Variants in RAB38 observed in about 807,000 individuals in gnomAD.
RAB38 encodes the protein ras-related protein Rab-38.
A neutral mutation model predicts 18.4 loss-of-function variants in RAB38; 15 were observed. The ratio of observed to expected loss-of-function variants is 0.82; its 90% CI spans 0.55 to 1.26. The LOEUF is 1.26. Among genes scored for constraint, RAB38 ranks in the 50% most tolerant of loss-of-function variants. The probability of loss-of-function intolerance (pLI) is 0.00; values close to 1 mark genes in which losing one functional copy is unlikely to be tolerated. For synonymous variants in RAB38, 101 were observed against 104.4 expected, an observed-to-expected ratio of 0.97 and a Z score of 0.20; for missense variants, 294 against 267.4, an observed-to-expected ratio of 1.10 and a Z score of -0.69.
At chr11:88,145,189 G>A (rs369111983) in intron 2 of RAB38, among the ~76,000 whole-genome samples, 4 of 150,810 alleles carry the variant, frequency 2.7e-5, no homozygotes, top group Middle Eastern at 3.4e-3. Flanking sequence ...TGCTCAAGTC[G>A]CCCAGGCTGG....
chr11:88,161,535 T>C (rs1327276068), intron 1 of RAB38, among the ~76,000 whole-genome samples: 1 of 152,094 alleles, frequency 6.6e-6, no homozygotes, highest in Non-Finnish European at 1.5e-5. Context: ...AGATTGACCA[T>C]CTTTCGATAT....
the RAB38 span, among the ~76,000 whole-genome samples, chr11:87,819,541 T>C: frequency 6.6e-6 from 1 of 151,934 alleles, no homozygotes; most frequent in Non-Finnish European, 1.5e-5. Context: ...CTGGATTTAA[T>C]AATTACATTA....
At chr11:87,948,449 A>G in the RAB38 span, among the ~76,000 whole-genome samples, 2 of 151,988 alleles carry the variant, frequency 1.3e-5, no homozygotes, top group East Asian at 1.9e-4. Context: ...AGGAGTGGTG[A>G]GAGAGGGCAT....
the RAB38 span, among the ~76,000 whole-genome samples, chr11:87,872,372 C>G: frequency 1.3e-5 from 2 of 151,570 alleles, no homozygotes; most frequent in Non-Finnish European, 3.0e-5. Flanking sequence ...TCTCGTCTCA[C>G]ATACGCACAG....
the RAB38 span, among the ~76,000 whole-genome samples, chr11:87,970,552 C>T: frequency 6.6e-6 from 1 of 152,072 alleles, no homozygotes; most frequent in African/African-American, 2.4e-5. Flanking sequence ...CACATTCCTA[C>T]CTTAGCCAGA....
chr11:87,937,945 GTGTT>G, the RAB38 span, among the ~76,000 whole-genome samples: 1 of 147,382 alleles, frequency 6.8e-6, no homozygotes, highest in Non-Finnish European at 1.5e-5. Context: ...TGGAATTTTG[GTGTT>G]TGTATCTGTT....
the RAB38 span, among the ~76,000 whole-genome samples, chr11:88,063,783 T>A: frequency 6.6e-6 from 1 of 152,212 alleles, no homozygotes; most frequent in Non-Finnish European, 1.5e-5. Flanking sequence ...ATGTAAGATG[T>A]GCCTTTGCTT....
chr11:87,956,984 G>T, the RAB38 span, among the ~76,000 whole-genome samples: 46 of 33,454 alleles, frequency 1.4e-3, no homozygotes, highest in East Asian at 3.4e-3. Context: ...GCAGTTTTTT[G>T]GGGGGGGGTC....
chr11:87,822,359 G>A, the RAB38 span, among the ~76,000 whole-genome samples: 4 of 152,166 alleles, frequency 2.6e-5, no homozygotes, highest in Admixed American at 1.3e-4. Context: ...GCCCAAAAAC[G>A]TAGTGTCTAA....
At chr11:87,948,104 C>A in the RAB38 span, among the ~76,000 whole-genome samples, 1 of 152,230 alleles carries the variant, frequency 6.6e-6, no homozygotes, top group East Asian at 1.9e-4. Flanking sequence ...TTGAAGAGGT[C>A]CTTCACGTCC....
At chr11:88,045,509 C>G in the RAB38 span, among the ~76,000 whole-genome samples, 1 of 152,196 alleles carries the variant, frequency 6.6e-6, no homozygotes, top group Non-Finnish European at 1.5e-5. Flanking sequence ...TGCCCGCAGC[C>G]CGGGATTCCT....
At chr11:87,824,488 C>A in the RAB38 span, among the ~76,000 whole-genome samples, 1 of 151,856 alleles carries the variant, frequency 6.6e-6, no homozygotes, top group South Asian at 2.1e-4. Context: ...AGGAAACATA[C>A]AAAGTTAGAA....
the RAB38 span, among the ~76,000 whole-genome samples, chr11:88,025,855 G>C: frequency 1.3e-5 from 2 of 152,104 alleles, no homozygotes; most frequent in Non-Finnish European, 1.5e-5. Context: ...TTATTTTGCT[G>C]TGTGGAAGCT....
chr11:88,067,994 C>T, the RAB38 span, among the ~76,000 whole-genome samples: 13 of 124,244 alleles, frequency 1.0e-4, no homozygotes, highest in Non-Finnish European at 2.2e-4. Context: ...TATATATATA[C>T]ACATATCTAT....
At chr11:88,143,039 T>C (rs1211635396) in intron 2 of RAB38, among the ~76,000 whole-genome samples, 3 of 152,230 alleles carry the variant, frequency 2.0e-5, no homozygotes, top group African/African-American at 7.2e-5. Flanking sequence ...ATACTTATTA[T>C]ATAAGGTCAG....
At chr11:87,926,895 G>A in the RAB38 span, among the ~76,000 whole-genome samples, 1 of 151,974 alleles carries the variant, frequency 6.6e-6, no homozygotes, top group African/African-American at 2.4e-5. Flanking sequence ...AGTTTGTTTT[G>A]ATGCATTCTA....
At chr11:88,123,164 C>T (rs572421507) in intron 2 of RAB38, among the ~76,000 whole-genome samples, 2 of 152,152 alleles carry the variant, frequency 1.3e-5, no homozygotes, top group Admixed American at 6.5e-5. Flanking sequence ...CCTGACTCCC[C>T]GAGGCTGAGC....
the RAB38 span, among the ~76,000 whole-genome samples, chr11:87,861,095 CTTG>C: frequency 3.3e-5 from 5 of 151,878 alleles, no homozygotes; most frequent in African/African-American, 9.7e-5. Flanking sequence ...AAATGGATAA[CTTG>C]TTGTAAGAAG....
chr11:87,852,737 AC>A, the RAB38 span, among the ~76,000 whole-genome samples: 1 of 152,180 alleles, frequency 6.6e-6, no homozygotes, highest in African/African-American at 2.4e-5. Context: ...CGAGACAGTA[AC>A]CACTGAGGGC....
Sources: gnomAD v4.1 joint callset for allele counts (sites outside exome capture counted in the v4.1 genomes callset) on GRCh38, gnomAD v4.1.1 for gene constraint, MANE v1.5 for transcripts, NCBI Gene and HGNC (gene_info 2026-07-23, HGNC 2026-07-21) for gene names.